BMERB1: variants seen among roughly 807,000 people sequenced by gnomAD.
BMERB1 encodes the protein bMERB domain containing 1, also known as bMERB domain-containing protein 1.
BMERB1 carries 12 observed loss-of-function variants against 23.6 expected under a neutral mutation model. The ratio of observed to expected loss-of-function variants is 0.51; its 90% CI spans 0.33 to 0.82. The LOEUF is 0.82. BMERB1 is among the 40% of genes least tolerant of loss of function. The pLI is 0.03. For synonymous variants in BMERB1, 122 were observed against 96.6 expected, an observed-to-expected ratio of 1.26 and a Z score of -1.54; for missense variants, 247 against 255.4, an observed-to-expected ratio of 0.97 and a Z score of 0.22.
intron 2 of BMERB1, among the ~76,000 whole-genome samples, chr16:15,525,294 C>T (rs2051895411): frequency 6.6e-6 from 1 of 152,156 alleles, no homozygotes; most frequent in African/African-American, 2.4e-5. Flanking sequence ...GGTCTTGAGC[C>T]TGCCAGCCTT....
intron 1 of BMERB1, among the ~76,000 whole-genome samples, chr16:15,456,917 C>G (rs2051091861): frequency 6.6e-6 from 1 of 152,106 alleles, no homozygotes; most frequent in African/African-American, 2.4e-5. Context: ...CCTCCACCTC[C>G]TGGGTTCAAG....
chr16:15,495,230 G>A (rs966659882), intron 1 of BMERB1, among the ~76,000 whole-genome samples: 8 of 151,812 alleles, frequency 5.3e-5, no homozygotes, highest in Non-Finnish European at 1.2e-4. Context: ...GTTTGAGACG[G>A]AGTTTCGCTC....
intron 5 of BMERB1, 135 bp from the exon 6 acceptor site, chr16:15,586,582 C>T (rs566990803): frequency 1.4e-6 from 1 of 723,254 alleles, no homozygotes; most frequent in East Asian, 2.7e-5. Context: ...TCCATACCAC[C>T]TGAACAAGGC....
At chr16:15,568,101 G>A (rs747942487) in intron 3 of BMERB1, 45 bp downstream of exon 3, 6 of 1,588,936 alleles carry the variant, frequency 3.8e-6, no homozygotes, top group Non-Finnish European at 5.2e-6. Context: ...GTGCTTGGGG[G>A]CCCCCAGCCT....
At chr16:15,525,706 GAAAAAA>G (rs772716993) in intron 2 of BMERB1, among the ~76,000 whole-genome samples, 1 of 116,782 alleles carries the variant, frequency 8.6e-6, no homozygotes, top group African/African-American at 2.9e-5. Flanking sequence ...TCCCATCTCA[GAAAAAA>G]AAAAAAGAAA....
chr16:15,586,352 C>T (rs1051160016), intron 5 of BMERB1, among the ~76,000 whole-genome samples: 2 of 152,164 alleles, frequency 1.3e-5, no homozygotes, highest in East Asian at 3.9e-4. Flanking sequence ...AATATGAGCC[C>T]TCAGATTGAA....
At chr16:15,542,353 G>A (rs921117972) in intron 2 of BMERB1, among the ~76,000 whole-genome samples, 4 of 151,998 alleles carry the variant, frequency 2.6e-5, no homozygotes, top group South Asian at 2.1e-4. Flanking sequence ...GTGAGCCACC[G>A]TGCCCTGCCC....
chr16:15,527,424 G>A (rs1183113576), intron 2 of BMERB1, among the ~76,000 whole-genome samples: 4 of 152,170 alleles, frequency 2.6e-5, no homozygotes, highest in Admixed American at 2.0e-4. Flanking sequence ...GGGCAACATG[G>A]TGAAACTCTG....
At chr16:15,473,870 A>C (rs1375999383) in intron 1 of BMERB1, among the ~76,000 whole-genome samples, 3 of 152,110 alleles carry the variant, frequency 2.0e-5, no homozygotes, top group Non-Finnish European at 2.9e-5. Context: ...CTGTAATCCC[A>C]GCACTTTGGG....
intron 1 of BMERB1, among the ~76,000 whole-genome samples, chr16:15,495,989 T>G (rs1053671524): frequency 6.6e-6 from 1 of 151,996 alleles, no homozygotes; most frequent in Non-Finnish European, 1.5e-5. Flanking sequence ...ATGATAGTGA[T>G]GTTGATGGTG....
chr16:15,507,037 T>C (rs1449455039), intron 1 of BMERB1, among the ~76,000 whole-genome samples: 1 of 152,166 alleles, frequency 6.6e-6, no homozygotes, highest in Non-Finnish European at 1.5e-5. Context: ...ACACCCAAAA[T>C]GAGCAAGCTC....
intron 1 of BMERB1, among the ~76,000 whole-genome samples, chr16:15,501,610 G>A (rs2051531337): frequency 6.6e-6 from 1 of 152,186 alleles, no homozygotes; most frequent in African/African-American, 2.4e-5. Context: ...GAATAGCTGG[G>A]ATTACAGGCA....
intron 2 of BMERB1, among the ~76,000 whole-genome samples, chr16:15,560,668 C>T (rs1024086205): frequency 1.3e-5 from 2 of 151,936 alleles, no homozygotes; most frequent in African/African-American, 4.8e-5. Context: ...TGGCGCCTCC[C>T]TGTAGTCCCA....
chr16:15,492,391 G>T (rs529787072), intron 1 of BMERB1, among the ~76,000 whole-genome samples: 1 of 152,268 alleles, frequency 6.6e-6, no homozygotes, highest in African/African-American at 2.4e-5. Flanking sequence ...ATCTTCCATT[G>T]CAGGCATCTT....
intron 1 of BMERB1, among the ~76,000 whole-genome samples, chr16:15,448,955 G>T (rs1455135211): frequency 6.6e-6 from 1 of 152,128 alleles, no homozygotes; most frequent in African/African-American, 2.4e-5. Context: ...TGTTGTGATG[G>T]GTATAGGCTG....
chr16:15,522,055 C>A (rs150946892), intron 2 of BMERB1, among the ~76,000 whole-genome samples: 329 of 152,308 alleles, frequency 2.2e-3, no homozygotes, highest in Non-Finnish European at 3.2e-3. Context: ...TCTACCAACC[C>A]GCTCCTGCTG....
At chr16:15,576,035 TA>T (rs1319795095) in intron 3 of BMERB1, among the ~76,000 whole-genome samples, 3 of 145,646 alleles carry the variant, frequency 2.1e-5, no homozygotes, top group African/African-American at 8.2e-5. Flanking sequence ...TCAGCATTAG[TA>T]ATTTTTTTTT....
In BMERB1 at chr16:15,587,714, C is replaced by T. The variant is rs2031187297; in HGVS notation, c.*885C>T. ...CCGACACACGGACCTTTGTAAAGAACAGCAACAGGCAGGAGAGGCAGCGTG... is the reference window on the plus strand; with the variant it reads ...CCGACACACGGACCTTTGTAAAGAATAGCAACAGGCAGGAGAGGCAGCGTG... On this transcript the variant is annotated 3_prime_UTR_variant, in exon 6 of 6. Coordinates refer to ENST00000300006, the MANE Select transcript of BMERB1 (RefSeq NM_033201.3). 1 of 280,602 alleles carries T rather than the reference C, an allele frequency of 3.6e-6. No homozygotes were observed. The highest frequency in any genetic ancestry group is 2.6e-5 in the South Asian group (1 of 37,962). 17.4% of individuals were successfully genotyped at this position (280,602 alleles called of 1,614,324 possible).
At chr16:15,522,793 C>T (rs542938260) in intron 2 of BMERB1, among the ~76,000 whole-genome samples, 74 of 152,228 alleles carry the variant, frequency 4.9e-4, no homozygotes, top group Non-Finnish European at 8.8e-4. Context: ...GGCCAGTTGT[C>T]GGGATCTGAT....
Sources: allele counts gnomAD v4.1 joint callset (sites outside exome capture counted in the v4.1 genomes callset), GRCh38; gene constraint gnomAD v4.1.1; transcripts MANE v1.5; gene names NCBI Gene and HGNC (gene_info 2026-07-23, HGNC 2026-07-21).